Variants in GRID1 observed in about 807,000 individuals in gnomAD.
GRID1 encodes the protein glutamate ionotropic receptor delta type subunit 1, also known as glutamate receptor ionotropic, delta-1.
A neutral mutation model predicts 98.0 loss-of-function variants in GRID1; 28 were observed. The observed-to-expected ratio is 0.29, with a 90% confidence interval of 0.21 to 0.39. The LOEUF (loss-of-function observed/expected upper bound fraction) is 0.39, where lower values mean the gene tolerates loss of function less well. Ranked by LOEUF, GRID1 falls within the 10% of genes least tolerant of loss-of-function variation. GRID1 has a pLI of 1.00. For missense variants in GRID1, 1,111 were observed against 1,340.5 expected (o/e 0.83, Z 2.67); for synonymous variants, 553 against 538.5 (o/e 1.03, Z -0.37).
chr10:85,865,735 T>C (rs147162500), intron 6 of GRID1, among the ~76,000 whole-genome samples: 3 of 151,754 alleles, frequency 2.0e-5, no homozygotes, highest in African/African-American at 7.3e-5. Context: ...GTAATAGCTA[T>C]GGAGGAAACT....
At chr10:86,070,905 C>T (rs547883314) in intron 4 of GRID1, among the ~76,000 whole-genome samples, 4 of 152,132 alleles carry the variant, frequency 2.6e-5, no homozygotes, top group South Asian at 2.1e-4. Context: ...CCACTGCATG[C>T]ACATCTCCCT....
At chr10:86,307,332 GGTAT>G (rs1847771970) in intron 2 of GRID1, among the ~76,000 whole-genome samples, 1 of 152,074 alleles carries the variant, frequency 6.6e-6, no homozygotes, top group Non-Finnish European at 1.5e-5. Context: ...AAGAAAATGT[GGTAT>G]ACATACACAA....
Position 86,193,217 on chromosome 10 carries a change from C to T in GRID1, c.520+13147G>A, listed in dbSNP as rs191974638. ...GAGGGCTTGAGATCTGAATCGCCAC[C>T]TGCAGCTGGGGTCCCCCCAGCCTGC... On this transcript the variant is annotated intron_variant, in intron 3 of 15. Transcript: ENST00000327946. Among the ~76,000 whole-genome samples the T allele has an allele frequency of 2.0e-5, 3 of 152,154 alleles. No homozygotes were observed. In the East Asian group the frequency reaches 5.8e-4, roughly 29 times the overall value.
intron 2 of GRID1, among the ~76,000 whole-genome samples, chr10:86,310,652 G>T (rs996881527): frequency 1.7e-4 from 26 of 152,186 alleles, no homozygotes; most frequent in African/African-American, 6.0e-4. Context: ...CTGCAAAGAG[G>T]ATGGAGACTC....
chr10:85,773,881 T>C (rs945481369), intron 8 of GRID1, among the ~76,000 whole-genome samples: 13 of 152,166 alleles, frequency 8.5e-5, no homozygotes, highest in African/African-American at 2.9e-4. Flanking sequence ...ATCAATATCA[T>C]GAAAATGGCC....
At chr10:86,142,421 C>G (rs994568184) in intron 3 of GRID1, among the ~76,000 whole-genome samples, 1 of 152,252 alleles carries the variant, frequency 6.6e-6, no homozygotes, top group Non-Finnish European at 1.5e-5. Context: ...ACTGTCCACA[C>G]GGGGCTGAGT....
At chr10:85,706,235 C>G (rs1337926553) in intron 12 of GRID1, among the ~76,000 whole-genome samples, 2 of 152,158 alleles carry the variant, frequency 1.3e-5, no homozygotes, top group Admixed American at 1.3e-4. Flanking sequence ...CCCAAAATCT[C>G]CTTAAGCTGA....
chr10:86,359,308 T>A (rs1420509894), intron 2 of GRID1, among the ~76,000 whole-genome samples: 1 of 152,128 alleles, frequency 6.6e-6, no homozygotes, highest in African/African-American at 2.4e-5. Flanking sequence ...TCTCTATAAT[T>A]CTGAATGGAG....
intron 4 of GRID1, among the ~76,000 whole-genome samples, chr10:86,107,753 G>A (rs1223158522): frequency 6.6e-6 from 1 of 152,170 alleles, no homozygotes; most frequent in African/African-American, 2.4e-5. Flanking sequence ...ACATCGAGAG[G>A]AGCACTTCAG....
chr10:86,248,897 AT>A (rs1310613328), intron 2 of GRID1, among the ~76,000 whole-genome samples: 2 of 152,140 alleles, frequency 1.3e-5, no homozygotes, highest in African/African-American at 4.8e-5. Context: ...TGCTATCAAG[AT>A]TGAAGGAGCT....
intron 6 of GRID1, among the ~76,000 whole-genome samples, chr10:85,859,094 T>A (rs1843140417): frequency 6.6e-6 from 1 of 152,172 alleles, no homozygotes; most frequent in Admixed American, 6.5e-5. Flanking sequence ...GCCTTCCCAA[T>A]GCCCACATAT....
intron 2 of GRID1, among the ~76,000 whole-genome samples, chr10:86,282,740 C>T (rs1308249278): frequency 6.6e-6 from 1 of 152,082 alleles, no homozygotes; most frequent in East Asian, 1.9e-4. Flanking sequence ...GCTCCCCTCC[C>T]ACATCCTCTG....
intron 4 of GRID1, among the ~76,000 whole-genome samples, chr10:85,918,167 G>A (rs1038600871): frequency 1.3e-5 from 2 of 152,124 alleles, no homozygotes; most frequent in South Asian, 4.1e-4. Flanking sequence ...CAAATCTGGA[G>A]GATGTCATAA....
intron 2 of GRID1, among the ~76,000 whole-genome samples, chr10:86,315,677 C>G (rs1252490989): frequency 6.6e-6 from 1 of 152,038 alleles, no homozygotes; most frequent in Non-Finnish European, 1.5e-5. Context: ...ATCCATCCTC[C>G]CACCCATCCA....
At chr10:85,911,284 G>A (rs1841533830) in intron 5 of GRID1, among the ~76,000 whole-genome samples, 1 of 152,174 alleles carries the variant, frequency 6.6e-6, no homozygotes, top group South Asian at 2.1e-4. Flanking sequence ...TTTTGGGGAG[G>A]ATGGTGAGTT....
intron 4 of GRID1, among the ~76,000 whole-genome samples, chr10:86,023,823 G>C (rs1044741921): frequency 6.6e-6 from 1 of 152,058 alleles, no homozygotes; most frequent in African/African-American, 2.4e-5. Flanking sequence ...ATTCCCTTCA[G>C]ATGAATCAAG....
chr10:86,364,120 C>G (rs1203555038), intron 1 of GRID1, 24 bp from the exon 2 acceptor site: 2 of 1,608,944 alleles, frequency 1.2e-6, no homozygotes, highest in Non-Finnish European at 1.7e-6. Context: ...GGGATCAAGA[C>G]CGGACCTGGA....
At chr10:86,241,996 G>A (rs925385749) in intron 2 of GRID1, among the ~76,000 whole-genome samples, 18 of 152,224 alleles carry the variant, frequency 1.2e-4, no homozygotes, top group African/African-American at 4.3e-4. Flanking sequence ...TGGCTCACAT[G>A]GAAGAAGCAA....
intron 2 of GRID1, among the ~76,000 whole-genome samples, chr10:86,207,706 A>G (rs1846050411): frequency 7.6e-6 from 1 of 132,246 alleles, no homozygotes; most frequent in Admixed American, 9.8e-5. Flanking sequence ...ATCTCGACTC[A>G]CTGCAAGCTC....
Sources: allele counts gnomAD v4.1 joint callset (sites outside exome capture counted in the v4.1 genomes callset), GRCh38; gene constraint gnomAD v4.1.1; transcripts MANE v1.5; gene names NCBI Gene and HGNC (gene_info 2026-07-23, HGNC 2026-07-21).